PLPPR2: variants seen among roughly 807,000 people sequenced by gnomAD.
The protein encoded by PLPPR2 is phospholipid phosphatase-related protein type 2.
PLPPR2 carries 11 observed loss-of-function variants against 40.3 expected under a neutral mutation model. The observed-to-expected ratio is 0.27, with a 90% CI of 0.17 to 0.45. PLPPR2 has a LOEUF of 0.45. Ranked by LOEUF, PLPPR2 falls within the 20% of genes least tolerant of loss-of-function variation. PLPPR2 has a pLI of 1.00. For synonymous variants in PLPPR2, 260 were observed against 290.8 expected, an observed-to-expected ratio of 0.89 and a Z score of 1.08; for missense variants, 497 against 640.7, an observed-to-expected ratio of 0.78 and a Z score of 2.42.
chr19:11,361,439 T>C lies in PLPPR2; in HGVS notation c.614T>C (p.Phe205Ser). The change falls in exon 6 of 10, where the codon TTC becomes TCC. Residue 205 changes from phenylalanine to serine, a missense_variant. Phe to Ser is a radical substitution (Grantham distance 155). Coordinates refer to ENST00000688289, the MANE Select transcript of PLPPR2 (RefSeq NM_001393892.1). The surrounding 1 kb of genome is among the most constrained non-coding windows in gnomAD (Gnocchi z 6.3). ...PSLVAAARRA[F>S]PCKDAALCAY... ...CTCGTGGCCGCCGCGCGCCGCGCCT[T>C]CCCCTGCAAGGATGCGGCCCTCTGC... is the stretch of plus-strand genomic sequence containing the variant. 1 of 1,605,206 alleles carries C rather than the reference T, an allele frequency of 6.2e-7. No homozygotes were observed. Among genetic ancestry groups the C allele is most frequent in the Non-Finnish European group, 8.5e-7 (1 of 1,179,256 alleles).
chr19:11,364,045 T>A lies in PLPPR2; in HGVS notation c.964-116T>A. 7.1e-7 allele frequency: 1 copy of A among 1,417,516 alleles called. No homozygotes were observed. The highest frequency in any genetic ancestry group is 1.4e-5 in the South Asian group (1 of 73,574). 87.8% of individuals were successfully genotyped at this position (1,417,516 alleles called of 1,614,324 possible). On this transcript the variant is annotated intron_variant, in intron 8 of 9. Coordinates refer to ENST00000688289, the MANE Select transcript of PLPPR2 (RefSeq NM_001393892.1). The surrounding 1 kb of genome is among the most constrained non-coding windows in gnomAD (Gnocchi z 5.8). ...CTTCTTCCCAGGGGGACACGGTTAA[T>A]CATGAGAACTGTGGTTGTCTTTTCC...
At chr19:11,356,114 GTGCGC>G (rs1967865270) in intron 1 of PLPPR2, among the ~76,000 whole-genome samples, 1 of 151,994 alleles carries the variant, frequency 6.6e-6, no homozygotes, top group Non-Finnish European at 1.5e-5. Context: ...GGCTGTGGTC[GTGCGC>G]TGTGCACCTT....
chr19:11,360,558 G>C (rs1474428813), intron 5 of PLPPR2, among the ~76,000 whole-genome samples: 1 of 152,062 alleles, frequency 6.6e-6, no homozygotes, highest in African/African-American at 2.4e-5. Flanking sequence ...ACATGGGTGG[G>C]GCCTAACCCA....
chr19:11,359,355 TC>T lies in PLPPR2; in HGVS notation c.67-175del. The T allele has an allele frequency of 1.9e-6, 1 of 529,244 alleles. No homozygotes were observed. Among genetic ancestry groups the T allele is most frequent in the Non-Finnish European group, 3.2e-6 (1 of 317,258 alleles). The allele number at this position is 529,244 out of a possible 1,614,324, so 32.8% of individuals were successfully genotyped here. On this transcript the variant is annotated intron_variant, in intron 3 of 9. Coordinates refer to ENST00000688289, the MANE Select transcript of PLPPR2 (RefSeq NM_001393892.1). The surrounding 1 kb of genome is among the most constrained non-coding windows in gnomAD (Gnocchi z 5.6). Reference sequence around the variant, plus strand: ...CCTAAGCCCTGACCCTTCTCTCACCTCCTTTCCCCATTTCTCTCAGTCTCTC... The same window carrying T: ...CCTAAGCCCTGACCCTTCTCTCACCTCTTTCCCCATTTCTCTCAGTCTCTC...
In PLPPR2 at chr19:11,364,271, C is replaced by T. The variant is rs542005939; in HGVS notation, c.1015+59C>T. On this transcript the variant is annotated intron_variant, in intron 9 of 9. Transcript: ENST00000688289. The surrounding 1 kb of genome is among the most constrained non-coding windows in gnomAD (Gnocchi z 5.8). Reference sequence around the variant, plus strand: ...GGACTTCCAGGTGGGCAGCCACTGCCCCAGAGGTCTCACCTAGGCCTTTAT... The same window carrying T: ...GGACTTCCAGGTGGGCAGCCACTGCTCCAGAGGTCTCACCTAGGCCTTTAT... 45 of 1,576,878 alleles carry T rather than the reference C, an allele frequency of 2.9e-5. No homozygotes were observed. The African/African-American group carries it at 5.3e-4, about 19-fold the overall frequency.
chr19:11,360,281 C>T (rs1311562987), intron 5 of PLPPR2, among the ~76,000 whole-genome samples: 2 of 146,086 alleles, frequency 1.4e-5, no homozygotes, highest in Admixed American at 6.8e-5. Flanking sequence ...AGCAAAACTC[C>T]GTCTCAAAAA....
In PLPPR2 at chr19:11,364,842, T is replaced by A. The variant is rs1332649822; in HGVS notation, c.*152T>A. ...TGGCTAGAAGGACATTTAGGAGACA[T>A]CTGCCTCTCTGGCCCTCTGAGATAT... On this transcript the variant is annotated 3_prime_UTR_variant, in exon 10 of 10. Coordinates refer to ENST00000688289, the MANE Select transcript of PLPPR2 (RefSeq NM_001393892.1). This position sits in a 1 kb window ranked among gnomAD's most constrained non-coding sequence, Gnocchi z 5.8. 1 of 839,332 alleles carries A rather than the reference T, an allele frequency of 1.2e-6. No individual in the cohort carries two copies. Among genetic ancestry groups the A allele is most frequent in the Non-Finnish European group, 1.9e-6 (1 of 539,040 alleles). The allele number at this position is 839,332 out of a possible 1,614,324, so 52.0% of individuals were successfully genotyped here.
intron 1 of PLPPR2, among the ~76,000 whole-genome samples, chr19:11,355,965 A>G (rs192744487): frequency 0.01 from 1,520 of 149,826 alleles, 12 homozygotes; most frequent in Non-Finnish European, 0.018. Context: ...GTGTCTGGCT[A>G]TGCTGTGACT....
chr19:11,361,531 T>G lies in PLPPR2; in HGVS notation c.663+43T>G. The G allele has an allele frequency of 6.4e-7, 1 of 1,554,326 alleles. No individual in the cohort carries two copies. The highest frequency in any genetic ancestry group is 8.7e-7 in the Non-Finnish European group (1 of 1,153,936). On this transcript the variant is annotated intron_variant, in intron 6 of 9. Coordinates refer to ENST00000688289, the MANE Select transcript of PLPPR2 (RefSeq NM_001393892.1). This position sits in a 1 kb window ranked among gnomAD's most constrained non-coding sequence, Gnocchi z 6.3. ...CGGGGTCGGAAATGGGTGTGCAGGCTGGACAGCGACCAGCAGCTAGGAAGC... is the reference window on the plus strand; with the variant it reads ...CGGGGTCGGAAATGGGTGTGCAGGCGGGACAGCGACCAGCAGCTAGGAAGC...
intron 1 of PLPPR2, among the ~76,000 whole-genome samples, chr19:11,355,838 G>C (rs1967852044): frequency 6.6e-6 from 1 of 152,122 alleles, no homozygotes; most frequent in Non-Finnish European, 1.5e-5. Flanking sequence ...AACTGTCATC[G>C]TGTGGCTGCA....
Position 11,362,451 on chromosome 19 carries a change from G to T in PLPPR2, c.664-62G>T. The T allele has an allele frequency of 1.3e-6, 2 of 1,590,930 alleles. No homozygotes were observed. Among genetic ancestry groups the T allele is most frequent in the Non-Finnish European group, 1.7e-6 (2 of 1,170,352 alleles). On this transcript the variant is annotated intron_variant, in intron 6 of 9. Coordinates refer to ENST00000688289, the MANE Select transcript of PLPPR2 (RefSeq NM_001393892.1). The surrounding 1 kb of genome is among the most constrained non-coding windows in gnomAD (Gnocchi z 5.3). ...GCCATGCGCTCTAGCCCAGAAAGGA[G>T]CGTCCACTTGGGTTCGGCGACTTGC...
intron 2 of PLPPR2, 80 bp from the exon 3 acceptor site, chr19:11,357,580 G>A (rs1967921693): frequency 1.9e-6 from 2 of 1,042,204 alleles, no homozygotes; most frequent in Non-Finnish European, 2.7e-6. Context: ...GGACTCAGGG[G>A]ATGAAGCCAG....
At position 11,359,488 on chromosome 19, in the gene PLPPR2, C is replaced by T; in HGVS notation, c.67-44C>T. The T allele has an allele frequency of 6.7e-7, 1 of 1,497,798 alleles. No individual in the cohort carries two copies. Among genetic ancestry groups the T allele is most frequent in the Non-Finnish European group, 8.9e-7 (1 of 1,120,030 alleles). The allele number at this position is 1,497,798 out of a possible 1,614,324, so 92.8% of individuals were successfully genotyped here. A position where few individuals can be genotyped will look rare whatever the true frequency, so the allele number is the denominator to read the frequency against. On this transcript the variant is annotated intron_variant, in intron 3 of 9. Transcript: ENST00000688289. The surrounding 1 kb of genome is among the most constrained non-coding windows in gnomAD (Gnocchi z 5.6). ...GGCCTCAGCTGGAGTCCTGACCTCTCTCTTCTCTCTCCGCCACCTCTCCCC... is the reference window on the plus strand; with the variant it reads ...GGCCTCAGCTGGAGTCCTGACCTCTTTCTTCTCTCTCCGCCACCTCTCCCC...
In PLPPR2 at chr19:11,361,210, C is replaced by T. The variant is rs747640457; in HGVS notation, c.392-7C>T. On this transcript the variant is annotated splice_region_variant and splice_polypyrimidine_tract_variant and intron_variant, in intron 5 of 9. Transcript: ENST00000688289. The surrounding 1 kb of genome is among the most constrained non-coding windows in gnomAD (Gnocchi z 6.3). ...CGCATGAACCCCTTCCACTATCCCACCCCTAGGGGTCTACTCCTTCGGCCT... is the reference window on the plus strand; with the variant it reads ...CGCATGAACCCCTTCCACTATCCCATCCCTAGGGGTCTACTCCTTCGGCCT... 3.1e-6 allele frequency: 5 copies of T among 1,602,172 alleles called. No individual in the cohort carries two copies. Among genetic ancestry groups the T allele is most frequent in the African/African-American group, 1.3e-5 (1 of 74,848 alleles).
Position 11,364,039 on chromosome 19 carries a change from G to C in PLPPR2, c.964-122G>C. On this transcript the variant is annotated intron_variant, in intron 8 of 9. Transcript: ENST00000688289. This position sits in a 1 kb window ranked among gnomAD's most constrained non-coding sequence, Gnocchi z 5.8. ...CCCCGTCTTCTTCCCAGGGGGACAC[G>C]GTTAATCATGAGAACTGTGGTTGTC... 2 of 1,403,712 alleles carry C rather than the reference G, an allele frequency of 1.4e-6. No homozygotes were observed. Among genetic ancestry groups the C allele is most frequent in the Non-Finnish European group, 1.9e-6 (2 of 1,029,134 alleles). 87.0% of individuals were successfully genotyped at this position (1,403,712 alleles called of 1,614,324 possible).
In PLPPR2 at chr19:11,363,852, G is replaced by A. The variant is rs1170823243; in HGVS notation, c.963+17G>A. The A allele has an allele frequency of 6.2e-7, 1 of 1,609,702 alleles. No individual in the cohort carries two copies. The highest frequency in any genetic ancestry group is 1.3e-5 in the African/African-American group (1 of 74,910). On this transcript the variant is annotated intron_variant, in intron 8 of 9. Coordinates refer to ENST00000688289, the MANE Select transcript of PLPPR2 (RefSeq NM_001393892.1). This position sits in a 1 kb window ranked among gnomAD's most constrained non-coding sequence, Gnocchi z 4.8. The stretch of plus-strand genomic sequence containing the variant: ...GTGGCGCAGGTAAGGGGGGCCGGGG[G>A]CTGCTCCCGGCTGGAGAGGGTGGTG...
At position 11,364,321 on chromosome 19, in the gene PLPPR2, C is replaced by G. The variant is rs903394440; in HGVS notation, c.1016-26C>G. On this transcript the variant is annotated intron_variant, in intron 9 of 9. Transcript: ENST00000688289. This position sits in a 1 kb window ranked among gnomAD's most constrained non-coding sequence, Gnocchi z 5.8. Reference sequence around the variant, plus strand: ...TGCTGCCTCCCGAGTTTTCTGATCCCCTGATATCTGGCTTCTGACCACCAG... The same window carrying G: ...TGCTGCCTCCCGAGTTTTCTGATCCGCTGATATCTGGCTTCTGACCACCAG... 6.6e-7 allele frequency: 1 copy of G among 1,520,704 alleles called. No homozygotes were observed. Among genetic ancestry groups the G allele is most frequent in the African/African-American group, 1.4e-5 (1 of 71,888 alleles). The allele number at this position is 1,520,704 out of a possible 1,614,324, so 94.2% of individuals were successfully genotyped here. A position where few individuals can be genotyped will look rare whatever the true frequency, so the allele number is the denominator to read the frequency against.
At position 11,359,075 on chromosome 19, in the gene PLPPR2, C is replaced by T. The variant is rs1000025922; in HGVS notation, c.67-457C>T. On this transcript the variant is annotated intron_variant, in intron 3 of 9. Coordinates refer to ENST00000688289, the MANE Select transcript of PLPPR2 (RefSeq NM_001393892.1). This position sits in a 1 kb window ranked among gnomAD's most constrained non-coding sequence, Gnocchi z 5.6. ...CTTTCTTTTTTTTCTGAGACAGGGTCTCCCTCTGTCACCCAGGCTGGAGTG... is the reference window on the plus strand; with the variant it reads ...CTTTCTTTTTTTTCTGAGACAGGGTTTCCCTCTGTCACCCAGGCTGGAGTG... Among the ~76,000 whole-genome samples, 15 of 151,730 alleles carry T rather than the reference C, an allele frequency of 9.9e-5. No individual in the cohort carries two copies. The highest frequency in any genetic ancestry group is 3.6e-4 in the African/African-American group (15 of 41,248).
chr19:11,361,668 C>G lies in PLPPR2; in HGVS notation c.663+180C>G, dbSNP rs1968050032. 6.6e-6 allele frequency among the ~76,000 whole-genome samples: 1 copy of G among 152,142 alleles called. No individual in the cohort carries two copies. Among genetic ancestry groups the G allele is most frequent in the Non-Finnish European group, 1.5e-5 (1 of 68,008 alleles). ...TCCTCCTCCCAGATCCTAGCCACGC[C>G]CCCAGTCAGAGGCTATCGCTGTCCA... On this transcript the variant is annotated intron_variant, in intron 6 of 9. Transcript: ENST00000688289. This position sits in a 1 kb window ranked among gnomAD's most constrained non-coding sequence, Gnocchi z 6.3.
Sources: allele counts gnomAD v4.1 joint callset (sites outside exome capture counted in the v4.1 genomes callset), GRCh38; gene constraint gnomAD v4.1.1; non-coding constraint Gnocchi (gnomAD v3.1); transcripts MANE v1.5; gene names NCBI Gene and HGNC (gene_info 2026-07-23, HGNC 2026-07-21).